The following VMP1 variants were observed in gnomAD, a reference collection of about 807,000 sequenced individuals.
VMP1 encodes the protein vacuole membrane protein 1.
A neutral mutation model predicts 56.0 loss-of-function variants in VMP1; 11 were observed. The observed-to-expected ratio is 0.20, with a 90% CI of 0.12 to 0.32. The LOEUF is 0.32. VMP1 is among the 10% of genes least tolerant of loss of function. The pLI is 1.00. For synonymous variants in VMP1, 149 were observed against 165.0 expected, an observed-to-expected ratio of 0.90 and a Z score of 0.74; for missense variants, 296 against 490.3, an observed-to-expected ratio of 0.60 and a Z score of 3.74.
chr17:59,831,800 A>AG (rs1555628361), intron 10 of VMP1, among the ~76,000 whole-genome samples: 1 of 2,264 alleles, frequency 4.4e-4, no homozygotes, highest in Non-Finnish European at 7.8e-4. Flanking sequence ...TGCATTCCTG[A>AG]GTTTTTTTTT....
At chr17:59,740,179 G>A (rs973732206) in intron 5 of VMP1, among the ~76,000 whole-genome samples, 1 of 152,122 alleles carries the variant, frequency 6.6e-6, no homozygotes, top group African/African-American at 2.4e-5. Context: ...CTAGAACTAG[G>A]GAGAGGTTGA....
At chr17:59,822,027 G>C (rs1419429911) in intron 10 of VMP1, among the ~76,000 whole-genome samples, 4 of 151,826 alleles carry the variant, frequency 2.6e-5, no homozygotes, top group African/African-American at 7.3e-5. Flanking sequence ...ATTTTTAGTA[G>C]AGATGGGCTT....
chr17:59,721,903 G>T (rs1041103444), intron 1 of VMP1, among the ~76,000 whole-genome samples: 1 of 152,156 alleles, frequency 6.6e-6, no homozygotes, highest in Non-Finnish European at 1.5e-5. Context: ...TAGGCTGCAA[G>T]TCCAAGATCA....
At chr17:59,737,892 C>G (rs1237787671) in intron 4 of VMP1, among the ~76,000 whole-genome samples, 1 of 152,048 alleles carries the variant, frequency 6.6e-6, no homozygotes, top group Admixed American at 6.6e-5. Flanking sequence ...GCTGTAGCCT[C>G]CCAAGTAGCT....
At chr17:59,739,830 C>A (rs1419641083) in intron 5 of VMP1, among the ~76,000 whole-genome samples, 2 of 150,022 alleles carry the variant, frequency 1.3e-5, no homozygotes, top group Non-Finnish European at 3.0e-5. Context: ...AATCCCAGCA[C>A]TTTGGGAGGC....
intron 9 of VMP1, among the ~76,000 whole-genome samples, chr17:59,813,091 A>G (rs1167385195): frequency 6.6e-6 from 1 of 152,140 alleles, no homozygotes; most frequent in East Asian, 1.9e-4. Context: ...CTACTTATCC[A>G]GTTTATAATC....
chr17:59,771,777 C>T, intron 6 of VMP1, among the ~76,000 whole-genome samples: 1 of 151,196 alleles, frequency 6.6e-6, no homozygotes, highest in Non-Finnish European at 1.5e-5. Context: ...GAGACAGCCT[C>T]ATTATGTTGC....
chr17:59,793,746 C>T lies in VMP1; in HGVS notation c.715-15050C>T, dbSNP rs1315691310. On this transcript the variant is annotated intron_variant, in intron 7 of 11. Transcript: ENST00000262291. Reference sequence around the variant, plus strand: ...AGTTCAAGCAATTCTCCTGCCTCAGCCTCCTGAGTAGCTGAAATTACAGGC... The same window carrying T: ...AGTTCAAGCAATTCTCCTGCCTCAGTCTCCTGAGTAGCTGAAATTACAGGC... Among the ~76,000 whole-genome samples the T allele has an allele frequency of 2.1e-5, 2 of 93,934 alleles. 1 individual carries two copies. Among genetic ancestry groups the T allele is most frequent in the Non-Finnish European group, 5.6e-5 (2 of 35,696 alleles). 61.6% of individuals were successfully genotyped at this position (93,934 alleles called of 152,430 possible).
At chr17:59,775,191 G>A (rs889671845) in intron 7 of VMP1, among the ~76,000 whole-genome samples, 2 of 152,046 alleles carry the variant, frequency 1.3e-5, no homozygotes, top group Admixed American at 1.3e-4. Context: ...CAATCCACCC[G>A]CCTTGGCCTC....
intron 5 of VMP1, among the ~76,000 whole-genome samples, chr17:59,759,903 GTTT>G (rs58618508): frequency 0.011 from 1,091 of 97,974 alleles, 15 homozygotes; most frequent in African/African-American, 0.031. Context: ...GTTTTTTGGT[GTTT>G]TTTTTTTTTT....
chr17:59,718,493 G>A (rs1236996689), intron 1 of VMP1, among the ~76,000 whole-genome samples: 8 of 151,430 alleles, frequency 5.3e-5, no homozygotes, highest in African/African-American at 1.7e-4. Flanking sequence ...ACCGTGCCCG[G>A]CCCCTCCTTT....
intron 9 of VMP1, among the ~76,000 whole-genome samples, chr17:59,813,131 T>C (rs1399223847): frequency 2.0e-5 from 3 of 152,188 alleles, no homozygotes. Flanking sequence ...TCAAGTTTAT[T>C]GCGTCTGTCC....
chr17:59,756,682 A>G (rs1470938521), intron 5 of VMP1, among the ~76,000 whole-genome samples: 1 of 152,084 alleles, frequency 6.6e-6, no homozygotes, highest in African/African-American at 2.4e-5. Flanking sequence ...AAAAATACTC[A>G]TACACACACA....
In VMP1 at chr17:59,811,710, G is replaced by T; in HGVS notation, c.836G>T (p.Gly279Val). ...TTTGATCTGGCTGGAATAACGTGTG[G>T]ACACTTTCTGGTACCTTTTTGGACC... ...PLFDLAGITC[G>V]HFLVPFWTFF... The change falls in exon 9 of 12, where the codon GGA becomes GTA. Residue 279 changes from glycine (G) to valine (V), a missense_variant. By Grantham distance (109) the Gly-to-Val change is moderately radical. Around this residue, in one of 4 missense-constraint regions of VMP1, gnomAD observed 6 missense variants for 44.4 expected, o/e 0.14. Coordinates refer to ENST00000262291, the MANE Select transcript of VMP1 (RefSeq NM_030938.5). The T allele has an allele frequency of 6.2e-7, 1 of 1,613,920 alleles. No homozygotes were observed. The highest frequency in any genetic ancestry group is 8.5e-7 in the Non-Finnish European group (1 of 1,179,926).
Position 59,735,440 on chromosome 17 carries a change from A to G in VMP1, c.179A>G (p.Glu60Gly), listed in dbSNP as rs1212145057. 6.2e-7 allele frequency: 1 copy of G among 1,614,100 alleles called. No homozygotes were observed. The highest frequency in any genetic ancestry group is 1.1e-5 in the South Asian group (1 of 91,080). ...PLITLQYFSL[E>G]ILVILKEWTS... ...ATTACCTTGCAGTATTTTTCTCTGG[A>G]AATCCTTGTAATCTTGAAGGAATGG... The change falls in exon 3 of 12, where the codon GAA becomes GGA. Residue 60 changes from glutamate (E) to glycine (G), a missense_variant. Glu to Gly is a moderately conservative substitution (Grantham distance 98, BLOSUM62 -2). This residue lies in a region of VMP1 where 69 missense variants were observed against 76.6 expected (regional missense o/e 0.90). Coordinates refer to ENST00000262291, the MANE Select transcript of VMP1 (RefSeq NM_030938.5).
At chr17:59,757,859 C>CTTTTTTTTTTTTT (rs66605258) in intron 5 of VMP1, among the ~76,000 whole-genome samples, 1 of 91,254 alleles carries the variant, frequency 1.1e-5, no homozygotes, top group African/African-American at 4.2e-5. Context: ...TTATTTGCCA[C>CTTTTTTTTTTTTT]TTTTTTTTTT....
At chr17:59,710,077 A>G (rs558093932) in intron 1 of VMP1, among the ~76,000 whole-genome samples, 3 of 152,146 alleles carry the variant, frequency 2.0e-5, no homozygotes, top group South Asian at 2.1e-4. Flanking sequence ...GGCGCCTGTA[A>G]TCCCAGCTAC....
At chr17:59,751,874 G>A (rs2035664648) in intron 5 of VMP1, among the ~76,000 whole-genome samples, 1 of 151,958 alleles carries the variant, frequency 6.6e-6, no homozygotes, top group Admixed American at 6.6e-5. Flanking sequence ...GAGTACAGTG[G>A]CATGAATATG....
chr17:59,757,735 A>G (rs978643604), intron 5 of VMP1, among the ~76,000 whole-genome samples: 8 of 152,000 alleles, frequency 5.3e-5, no homozygotes, highest in Non-Finnish European at 1.0e-4. Context: ...GATATATGGA[A>G]CTCTGAAATG....
Sources: allele counts gnomAD v4.1 joint callset (sites outside exome capture counted in the v4.1 genomes callset), GRCh38; gene constraint gnomAD v4.1.1; regional missense constraint gnomAD v4.1.1; transcripts MANE v1.5; gene names NCBI Gene and HGNC (gene_info 2026-07-23, HGNC 2026-07-21).